Variants in FAM234A observed in about 807,000 individuals in gnomAD.
FAM234A encodes protein FAM234A.
A neutral mutation model predicts 49.1 loss-of-function variants in FAM234A; 42 were observed. That is an observed-to-expected ratio of 0.86 (90% confidence interval 0.67 to 1.11). FAM234A has a LOEUF of 1.11. Ranked by LOEUF, FAM234A falls within the 50% of genes least tolerant of loss-of-function variation. The pLI is 0.00. For synonymous variants in FAM234A, 369 were observed against 316.2 expected (o/e 1.17, Z -1.77); for missense variants, 815 against 745.2 (o/e 1.09, Z -1.09).
intron 6 of FAM234A, 65 bp downstream of exon 6, chr16:261,579 T>C (rs1309645293): frequency 1.3e-6 from 2 of 1,503,850 alleles, no homozygotes; most frequent in African/African-American, 1.4e-5. Flanking sequence ...CTGCTCTACC[T>C]CCCCATCTGC....
At chr16:261,351 G>A (rs749537312) in intron 5 of FAM234A, 33 bp from the exon 6 acceptor site, 2 of 1,594,192 alleles carry the variant, frequency 1.3e-6, no homozygotes, top group South Asian at 2.2e-5. Context: ...GGGGACTCAG[G>A]GCCACGTTCC....
intron 1 of FAM234A, among the ~76,000 whole-genome samples, chr16:241,684 G>A (rs1474403789): frequency 6.6e-6 from 1 of 152,038 alleles, no homozygotes; most frequent in Non-Finnish European, 1.5e-5. Context: ...TTGGGAGGCC[G>A]AGGCGGGCGG....
At chr16:266,258 CCTG>C (rs2051690071), downstream of FAM234A, 1 of 216,690 alleles carries the variant, frequency 4.6e-6, no homozygotes, top group East Asian at 1.8e-4. Flanking sequence ...CCCACCCAGA[CCTG>C]CTCAGTCAGA....
chr16:246,837 ACG>A, intron 1 of FAM234A: 1 of 135,490 alleles, frequency 7.4e-6, no homozygotes, highest in East Asian at 2.4e-4. Flanking sequence ...GTGCAGTGGC[ACG>A]ATCTTGGCTC....
chr16:254,688 C>T lies in FAM234A; in HGVS notation c.268+7C>T. On this transcript the variant is annotated splice_region_variant and intron_variant, in intron 3 of 12. Coordinates refer to ENST00000399932, the MANE Select transcript of FAM234A (RefSeq NM_032039.4). ...ATAGACTACAGTGCCGCTGGTGAGCCTCGGCTTCCCCGCCCAGTGGGGTCC... is the reference window on the plus strand; with the variant it reads ...ATAGACTACAGTGCCGCTGGTGAGCTTCGGCTTCCCCGCCCAGTGGGGTCC... The T allele has an allele frequency of 6.2e-7, 1 of 1,612,562 alleles. No homozygotes were observed. The highest frequency in any genetic ancestry group is 8.5e-7 in the Non-Finnish European group (1 of 1,179,468).
downstream of FAM234A, chr16:269,572 C>T (rs759562985): frequency 6.2e-7 from 1 of 1,613,144 alleles, no homozygotes; most frequent in East Asian, 2.2e-5. Flanking sequence ...CTTCAGGAAC[C>T]TTGGGTAGGA....
intron 9 of FAM234A, 38 bp downstream of exon 9, chr16:263,440 C>T (rs756999089): frequency 1.9e-6 from 3 of 1,597,570 alleles, no homozygotes; most frequent in East Asian, 2.2e-5. Flanking sequence ...GGTGCTGCAC[C>T]CCTTCCCGGC....
rs113446352 is a variant in FAM234A, at chr16:254,312, AC to A, written c.-33-65del. The A allele has an allele frequency of 2.6e-5, 35 of 1,322,022 alleles. 1 individual carries two copies. Among genetic ancestry groups the A allele is most frequent in the African/African-American group, 2.5e-4 (17 of 68,190 alleles). The allele number at this position is 1,322,022 out of a possible 1,614,324, so 81.9% of individuals were successfully genotyped here. A position where few individuals can be genotyped will look rare whatever the true frequency, so the allele number is the denominator to read the frequency against. On this transcript the variant is annotated intron_variant, in intron 2 of 12. Coordinates refer to ENST00000399932, the MANE Select transcript of FAM234A (RefSeq NM_032039.4). The stretch of plus-strand genomic sequence containing the variant: ...GTCCCCAAGAAGCCGACGCCAGCAG[AC>A]CCCTCTGTGCTGCAGCTTTGTGCCG...
intron 1 of FAM234A, among the ~76,000 whole-genome samples, chr16:240,987 G>A (rs570919356): frequency 6.6e-6 from 1 of 152,076 alleles, no homozygotes; most frequent in Admixed American, 6.6e-5. Flanking sequence ...TGCCTAGACT[G>A]GAATGCAGTG....
At chr16:256,113 C>T (rs1053508624) in intron 3 of FAM234A, among the ~76,000 whole-genome samples, 10 of 152,180 alleles carry the variant, frequency 6.6e-5, no homozygotes, top group African/African-American at 1.9e-4. Context: ...GGTTGGCTGA[C>T]GATCACCTGG....
chr16:252,934 G>A (rs1377178317), intron 2 of FAM234A, among the ~76,000 whole-genome samples: 2 of 152,074 alleles, frequency 1.3e-5, no homozygotes, highest in Admixed American at 6.6e-5. Context: ...TCCTTTTTGG[G>A]TAGGTGAAGG....
At position 261,390 on chromosome 16, in the gene FAM234A, C is replaced by A. The variant is rs764754338; in HGVS notation, c.584C>A (p.Thr195Asn). The change falls in exon 6 of 13, where the codon ACC becomes AAC. Residue 195 changes from threonine (T) to asparagine (N), a missense_variant. Physicochemically the swap from Thr to Asn is moderately conservative, Grantham distance 65. Coordinates refer to ENST00000399932, the MANE Select transcript of FAM234A (RefSeq NM_032039.4). Reference sequence around the variant, plus strand: ...ACCGTGTGCTTGATTCTAGGGGAAACCCTGTGGAACCACAGCAGCAGCTTC... The same window carrying A: ...ACCGTGTGCTTGATTCTAGGGGAAAACCTGTGGAACCACAGCAGCAGCTTC... ...FIAVNLFTGETLWNHSSSFSG... is the reference protein window; with the variant it reads ...FIAVNLFTGENLWNHSSSFSG... 2 of 1,611,706 alleles carry A rather than the reference C, an allele frequency of 1.2e-6. No individual in the cohort carries two copies. Among genetic ancestry groups the A allele is most frequent in the Admixed American group, 1.7e-5 (1 of 59,994 alleles).
chr16:256,879 A>G (rs1267593069), intron 3 of FAM234A, among the ~76,000 whole-genome samples: 1 of 152,076 alleles, frequency 6.6e-6, no homozygotes, highest in Non-Finnish European at 1.5e-5. Context: ...AGTAGCTGAA[A>G]CTACAGGCAT....
chr16:251,114 G>A (rs1004579649), intron 2 of FAM234A, among the ~76,000 whole-genome samples: 1 of 152,046 alleles, frequency 6.6e-6, no homozygotes, highest in African/African-American at 2.4e-5. Context: ...CTGCCACCAT[G>A]CCCATCTAGT....
Position 265,036 on chromosome 16 carries a change from A to G in FAM234A, c.*14A>G, listed in dbSNP as rs376187088. 10 of 1,588,328 alleles carry G rather than the reference A, an allele frequency of 6.3e-6. No homozygotes were observed. The East Asian group carries it at 6.8e-5, about 11-fold the overall frequency. On this transcript the variant is annotated 3_prime_UTR_variant, in exon 13 of 13. Coordinates refer to ENST00000399932, the MANE Select transcript of FAM234A (RefSeq NM_032039.4). ...AGTGAGGCGTAGAGGCACGCCAGCC[A>G]GAGCCTGTGGAGAGACTCCGCCTGC...
At chr16:251,050 G>A (rs550653356) in intron 2 of FAM234A, among the ~76,000 whole-genome samples, 2 of 152,140 alleles carry the variant, frequency 1.3e-5, no homozygotes, top group South Asian at 2.1e-4. Context: ...TCCACCTCCC[G>A]GGTTCAAGCG....
intron 1 of FAM234A, among the ~76,000 whole-genome samples, chr16:244,033 A>G (rs2050708054): frequency 6.6e-6 from 1 of 150,700 alleles, no homozygotes; most frequent in African/African-American, 2.4e-5. Flanking sequence ...CAGTGGTGCC[A>G]TCTCGGCTCA....
chr16:265,998 C>G lies in FAM234A; in HGVS notation c.*976C>G, dbSNP rs1039773040. On this transcript the variant is annotated 3_prime_UTR_variant, in exon 13 of 13. Transcript: ENST00000399932. ...CCATGGTGCTCTGTACTGCTCGGGC[C>G]GCCCAGGTCACAGAGCCTGAGCTTC... 2.0e-6 allele frequency: 2 copies of G among 985,786 alleles called. No individual in the cohort carries two copies. Among genetic ancestry groups the G allele is most frequent in the Admixed American group, 6.1e-5 (1 of 16,276 alleles). 61.1% of individuals were successfully genotyped at this position (985,786 alleles called of 1,614,324 possible). A position where few individuals can be genotyped will look rare whatever the true frequency, so the allele number is the denominator to read the frequency against.
downstream of FAM234A, among the ~76,000 whole-genome samples, chr16:268,071 G>C (rs989927171): frequency 2.8e-5 from 4 of 142,654 alleles, no homozygotes; most frequent in African/African-American, 8.0e-5. Context: ...AATCACACAT[G>C]CTATGCGTAC....
Sources: allele counts gnomAD v4.1 joint callset (sites outside exome capture counted in the v4.1 genomes callset), GRCh38; gene constraint gnomAD v4.1.1; transcripts MANE v1.5; gene names NCBI Gene and HGNC (gene_info 2026-07-23, HGNC 2026-07-21).